PDE1A: variants seen among roughly 807,000 people sequenced by gnomAD.
PDE1A encodes the protein phosphodiesterase 1A.
PDE1A carries 35 observed loss-of-function variants against 61.7 expected under a neutral mutation model. The observed-to-expected ratio is 0.57, with a 90% confidence interval of 0.43 to 0.75. The LOEUF (loss-of-function observed/expected upper bound fraction) is 0.75. Among genes scored for constraint, PDE1A ranks in the 30% least tolerant of loss-of-function variants. The pLI, the probability that PDE1A is intolerant of heterozygous loss-of-function variation, is 0.00. For missense variants in PDE1A, 597 were observed against 630.6 expected (o/e 0.95, Z 0.57); for synonymous variants, 232 against 213.2 (o/e 1.09, Z -0.77).
At chr2:182,143,767 G>A (rs909425106), downstream of PDE1A, among the ~76,000 whole-genome samples, 3 of 152,054 alleles carry the variant, frequency 2.0e-5, no homozygotes, top group African/African-American at 7.2e-5. Flanking sequence ...CACCCACCTC[G>A]GCCTACCAAA....
At chr2:182,212,733 A>G (rs1321316841) in intron 7 of PDE1A, among the ~76,000 whole-genome samples, 3 of 152,246 alleles carry the variant, frequency 2.0e-5, no homozygotes, top group African/African-American at 7.2e-5. Context: ...GCGCACCACG[A>G]GATTATATCC....
At chr2:182,516,438 C>T (rs560588131) in intron 2 of PDE1A, among the ~76,000 whole-genome samples, 11 of 152,006 alleles carry the variant, frequency 7.2e-5, no homozygotes, top group African/African-American at 2.7e-4. Context: ...ATCACTTGAG[C>T]CCAGGCATTC....
chr2:182,559,506 C>G, the PDE1A span, among the ~76,000 whole-genome samples: 8 of 152,054 alleles, frequency 5.3e-5, no homozygotes, highest in Admixed American at 4.6e-4. Context: ...ATAGAGCAAC[C>G]AGAATTCTCT....
exon 13 of PDE1A, chr2:182,185,939 T>C (rs774653603): frequency 1.2e-6 from 2 of 1,614,072 alleles, no homozygotes; most frequent in East Asian, 2.2e-5. Flanking sequence ...CTGAATGATG[T>C]CCACCAGGTT....
At chr2:182,444,797 A>G (rs1191787809) in intron 2 of PDE1A, among the ~76,000 whole-genome samples, 1 of 152,168 alleles carries the variant, frequency 6.6e-6, no homozygotes, top group Non-Finnish European at 1.5e-5. Context: ...ATATAGCTGA[A>G]TAACATGTTT....
At chr2:182,548,705 T>A in the PDE1A span, among the ~76,000 whole-genome samples, 1 of 152,200 alleles carries the variant, frequency 6.6e-6, no homozygotes, top group Non-Finnish European at 1.5e-5. Flanking sequence ...GTAGGTTAGG[T>A]CCCTTTGGTA....
At chr2:182,200,553 C>A (rs890960891) in intron 10 of PDE1A, among the ~76,000 whole-genome samples, 7 of 152,204 alleles carry the variant, frequency 4.6e-5, no homozygotes, top group African/African-American at 1.7e-4. Context: ...GCTCTGCATC[C>A]AAGACCCTCC....
the PDE1A span, among the ~76,000 whole-genome samples, chr2:182,648,534 A>T: frequency 2.7e-5 from 3 of 110,732 alleles, no homozygotes; most frequent in Non-Finnish European, 3.9e-5. Context: ...AAAAAAAAAA[A>T]TTAAAAAAAT....
chr2:182,541,628 G>T, the PDE1A span, among the ~76,000 whole-genome samples: 46 of 152,216 alleles, frequency 3.0e-4, no homozygotes, highest in East Asian at 8.5e-3. Context: ...TAACCTTAGA[G>T]TTTTCTTGTG....
the PDE1A span, among the ~76,000 whole-genome samples, chr2:182,576,433 T>C: frequency 2.6e-5 from 4 of 152,238 alleles, no homozygotes; most frequent in South Asian, 4.1e-4. Context: ...CCTTTGTATG[T>C]ATAGGCCACA....
chr2:182,465,785 A>G (rs1038517316), intron 2 of PDE1A, among the ~76,000 whole-genome samples: 6 of 152,114 alleles, frequency 3.9e-5, no homozygotes, highest in East Asian at 1.9e-4. Flanking sequence ...TCTTTTAAAC[A>G]TAACTATTCA....
intron 2 of PDE1A, among the ~76,000 whole-genome samples, chr2:182,244,253 T>C (rs572357835): frequency 1.3e-5 from 2 of 152,242 alleles, no homozygotes; most frequent in Non-Finnish European, 2.9e-5. Context: ...AAATGGATTA[T>C]GCCTATCAGA....
intron 8 of PDE1A, among the ~76,000 whole-genome samples, chr2:182,203,388 T>C (rs374844128): frequency 1.1e-4 from 16 of 152,292 alleles, no homozygotes; most frequent in Admixed American, 7.2e-4. Flanking sequence ...AACATTTCTA[T>C]TGAATTTTTA....
the PDE1A span, among the ~76,000 whole-genome samples, chr2:182,574,139 C>T: frequency 1.3e-5 from 2 of 151,782 alleles, no homozygotes; most frequent in South Asian, 2.1e-4. Flanking sequence ...GCATCCAGCA[C>T]GGGAGAAAGA....
upstream of PDE1A, among the ~76,000 whole-genome samples, chr2:182,524,988 A>G (rs190618274): frequency 1.3e-5 from 2 of 152,004 alleles, no homozygotes; most frequent in East Asian, 3.9e-4. Flanking sequence ...AAAATGTAAT[A>G]TAACATATAC....
chr2:182,186,624 T>G, intron 11 of PDE1A, 36 bp from the exon 12 acceptor site: 1 of 1,561,970 alleles, frequency 6.4e-7, no homozygotes, highest in South Asian at 1.2e-5. Context: ...GAGAGATAAA[T>G]TCAAGTGTTA....
At chr2:182,167,706 G>A (rs1217832870), downstream of PDE1A, among the ~76,000 whole-genome samples, 1 of 152,018 alleles carries the variant, frequency 6.6e-6, no homozygotes, top group Non-Finnish European at 1.5e-5. Flanking sequence ...TCTACTATTT[G>A]GACAACCTGG....
chr2:182,333,421 A>T (rs180980473), intron 1 of PDE1A, among the ~76,000 whole-genome samples: 1 of 152,262 alleles, frequency 6.6e-6, no homozygotes, highest in Non-Finnish European at 1.5e-5. Context: ...TCAGGATTAA[A>T]AAATTCACCC....
the PDE1A span, among the ~76,000 whole-genome samples, chr2:182,613,964 A>T: frequency 6.6e-6 from 1 of 152,240 alleles, no homozygotes; most frequent in Admixed American, 6.5e-5. Context: ...ATGATAAGCA[A>T]GTACCACCTC....
Sources: allele counts gnomAD v4.1 joint callset (sites outside exome capture counted in the v4.1 genomes callset), GRCh38; gene constraint gnomAD v4.1.1; transcripts MANE v1.5; gene names NCBI Gene and HGNC (gene_info 2026-07-23, HGNC 2026-07-21).